DCHS2: variants seen among roughly 807,000 people sequenced by gnomAD.
The protein encoded by DCHS2 is dachsous cadherin-related 2, also known as protocadherin-23.
A neutral mutation model predicts 182.4 loss-of-function variants in DCHS2; 142 were observed. The observed-to-expected ratio is 0.78, with a 90% confidence interval of 0.68 to 0.89. The LOEUF (loss-of-function observed/expected upper bound fraction) is 0.89. Among genes scored for constraint, DCHS2 ranks in the 40% least tolerant of loss-of-function variants. The pLI, the probability that DCHS2 is intolerant of heterozygous loss-of-function variation, is 0.00. For missense variants in DCHS2, 4,319 were observed against 4,198.6 expected (o/e 1.03, Z -0.79); for synonymous variants, 1,740 against 1,663.3 (o/e 1.05, Z -1.12).
intron 14 of DCHS2, among the ~76,000 whole-genome samples, 176 bp from the exon 15 acceptor site, chr4:154,259,932 C>T (rs1732899687): frequency 6.6e-6 from 1 of 152,128 alleles, no homozygotes; most frequent in Non-Finnish European, 1.5e-5. Flanking sequence ...AAGCGATTCT[C>T]CTGCCTCAGC....
At chr4:154,332,390 A>G in intron 5 of DCHS2, 88 bp downstream of exon 5, 1 of 1,237,108 alleles carries the variant, frequency 8.1e-7, no homozygotes, top group African/African-American at 1.5e-5. Context: ...ATTTTGTTTA[A>G]TTTTTTATTT....
At chr4:154,299,183 C>T (rs1735100609) in intron 12 of DCHS2, among the ~76,000 whole-genome samples, 1 of 152,196 alleles carries the variant, frequency 6.6e-6, no homozygotes, top group African/African-American at 2.4e-5. Context: ...GTACCCACTA[C>T]AGTATTCATG....
At chr4:154,367,284 C>T (rs112838085) in intron 2 of DCHS2, among the ~76,000 whole-genome samples, 30 of 152,098 alleles carry the variant, frequency 2.0e-4, no homozygotes, top group African/African-American at 5.3e-4. Flanking sequence ...CAGAACAGAC[C>T]GAAGAGCAGC....
At chr4:154,270,318 G>T (rs892932608) in intron 13 of DCHS2, among the ~76,000 whole-genome samples, 2 of 152,038 alleles carry the variant, frequency 1.3e-5, no homozygotes, top group Non-Finnish European at 2.9e-5. Flanking sequence ...TAGAAAGAGA[G>T]AAATAAGGTT....
In DCHS2 at chr4:154,235,026, C is replaced by A. The variant is rs541886079; in HGVS notation, c.9626G>T (p.Gly3209Val). The A allele has an allele frequency of 1.2e-6, 2 of 1,613,988 alleles. No individual in the cohort carries two copies. The highest frequency in any genetic ancestry group is 2.2e-5 in the East Asian group (1 of 44,824). Residue 3209 changes from glycine to valine, a missense_variant, in exon 20 of 20, where the codon GGT (glycine) becomes GTT (valine). By Grantham distance (109) the Gly-to-Val change is moderately radical. Transcript: ENST00000357232. ...DVRKESVFIS[G>V]DQEVRCAALS... ...AGCTGCACACCTTACTTCCTGATCA[C>A]CTGAAATAAAGACAGACTCTTTTCT... is the stretch of plus-strand genomic sequence containing the variant.
chr4:154,425,987 T>A (rs1020485202), intron 1 of DCHS2, among the ~76,000 whole-genome samples: 1 of 152,238 alleles, frequency 6.6e-6, no homozygotes, highest in Non-Finnish European at 1.5e-5. Context: ...CATGGATCCC[T>A]GGGCCTTTCT....
Position 154,457,551 on chromosome 4 carries a change from A to G in DCHS2, c.2052+31753T>C, listed in dbSNP as rs1350616685. ...TAGAGCTACTATTGGCTCATCCCCA[A>G]AACAGCCATGCAAATTTTTCTTCAC... On this transcript the variant is annotated intron_variant, in intron 1 of 19. Coordinates refer to ENST00000357232, the MANE Select transcript of DCHS2 (RefSeq NM_001358235.2). Among the ~76,000 whole-genome samples the G allele has an allele frequency of 4.6e-5, 7 of 152,268 alleles. No homozygotes were observed. In the East Asian group the frequency reaches 1.4e-3, roughly 29 times the overall value.
chr4:154,386,119 ACAGT>A (rs1731403564), intron 1 of DCHS2, among the ~76,000 whole-genome samples: 1 of 152,106 alleles, frequency 6.6e-6, no homozygotes, highest in Non-Finnish European at 1.5e-5. Context: ...TCTGCTACAC[ACAGT>A]CAGAGAGATA....
chr4:154,359,980 GT>G (rs1008284239), intron 3 of DCHS2, among the ~76,000 whole-genome samples: 76 of 150,660 alleles, frequency 5.0e-4, no homozygotes, highest in African/African-American at 1.5e-3. Context: ...CATCTTTAGT[GT>G]TTTTTTTTAA....
chr4:154,456,409 C>T (rs1179933195), intron 1 of DCHS2, among the ~76,000 whole-genome samples: 1 of 152,182 alleles, frequency 6.6e-6, no homozygotes. Context: ...CAGGAATCTG[C>T]AGTCCAACGG....
chr4:154,299,381 A>T (rs987280196), intron 12 of DCHS2, among the ~76,000 whole-genome samples: 6 of 152,236 alleles, frequency 3.9e-5, no homozygotes, highest in Admixed American at 2.0e-4. Context: ...CGTATCAAGT[A>T]GAATAAAACT....
At chr4:154,298,862 C>T (rs1735083848) in intron 12 of DCHS2, 154 bp from the exon 13 acceptor site, 1 of 1,155,602 alleles carries the variant, frequency 8.7e-7, no homozygotes. Flanking sequence ...GGGGATATAA[C>T]AGTAAGCATG....
At chr4:154,449,108 G>T (rs1734424183) in intron 1 of DCHS2, among the ~76,000 whole-genome samples, 1 of 151,948 alleles carries the variant, frequency 6.6e-6, no homozygotes, top group African/African-American at 2.4e-5. Context: ...TTTAGAAATG[G>T]TAGAAATTGT....
intron 13 of DCHS2, among the ~76,000 whole-genome samples, chr4:154,273,743 C>T (rs1295209329): frequency 6.6e-6 from 1 of 151,988 alleles, no homozygotes; most frequent in Non-Finnish European, 1.5e-5. Context: ...TGATATTAGG[C>T]CTGTAATTTA....
chr4:154,256,700 C>A (rs1732692336), intron 15 of DCHS2, among the ~76,000 whole-genome samples: 2 of 152,054 alleles, frequency 1.3e-5, no homozygotes, highest in Admixed American at 1.3e-4. Context: ...TGCCCCTGAG[C>A]CTTAGTCTTA....
intron 3 of DCHS2, chr4:154,343,744 G>T: frequency 1.7e-6 from 2 of 1,162,506 alleles, no homozygotes; most frequent in South Asian, 8.8e-5. Flanking sequence ...CAAACTTTCT[G>T]ACTCAGCAAT....
intron 13 of DCHS2, among the ~76,000 whole-genome samples, chr4:154,281,540 A>G (rs747424278): frequency 1.3e-5 from 2 of 152,176 alleles, no homozygotes; most frequent in Non-Finnish European, 2.9e-5. Flanking sequence ...GAAGTCACAA[A>G]TAAATGGAAA....
At chr4:154,307,569 G>A (rs1735496964) in intron 10 of DCHS2, among the ~76,000 whole-genome samples, 1 of 152,078 alleles carries the variant, frequency 6.6e-6, no homozygotes, top group Admixed American at 6.6e-5. Flanking sequence ...CTCCAGTCCG[G>A]CCCCATGAGC....
intron 3 of DCHS2, among the ~76,000 whole-genome samples, chr4:154,347,291 TA>T (rs1578992965): frequency 6.7e-6 from 1 of 149,582 alleles, no homozygotes; most frequent in African/African-American, 2.5e-5. Flanking sequence ...AACGGCTTCT[TA>T]AAAGCAAGGC....
Sources: allele counts gnomAD v4.1 joint callset (sites outside exome capture counted in the v4.1 genomes callset), GRCh38; gene constraint gnomAD v4.1.1; transcripts MANE v1.5; gene names NCBI Gene and HGNC (gene_info 2026-07-23, HGNC 2026-07-21).